Variants in CPAMD8 observed in about 807,000 individuals in gnomAD.
CPAMD8 encodes C3 and PZP-like alpha-2-macroglobulin domain-containing protein 8.
A neutral mutation model predicts 224.7 loss-of-function variants in CPAMD8; 146 were observed. The observed-to-expected ratio is 0.65, with a 90% CI of 0.57 to 0.75. The LOEUF (loss-of-function observed/expected upper bound fraction) is 0.75, where lower values mean the gene tolerates loss of function less well. Among genes scored for constraint, CPAMD8 ranks in the 30% least tolerant of loss-of-function variants. CPAMD8 has a pLI of 0.00. For missense variants in CPAMD8, 2,301 were observed against 2,537.5 expected (o/e 0.91, Z 2.00); for synonymous variants, 966 against 1,044.6 (o/e 0.92, Z 1.45).
chr19:16,911,126 G>C (rs1718784384), intron 29 of CPAMD8, among the ~76,000 whole-genome samples: 1 of 152,172 alleles, frequency 6.6e-6, no homozygotes, highest in African/African-American at 2.4e-5. Context: ...CCAACCTCCG[G>C]GTCACAGACT....
intron 19 of CPAMD8, 59 bp from the exon 20 acceptor site, chr19:16,952,259 G>C: frequency 1.0e-6 from 1 of 981,212 alleles, no homozygotes; most frequent in East Asian, 2.6e-5. Flanking sequence ...GCCTCAGGGG[G>C]GCCAGTGGGC....
At position 16,945,678 on chromosome 19, in the gene CPAMD8, G is replaced by A; in HGVS notation, c.2664C>T (p.Ala888=). The A allele has an allele frequency of 6.2e-7, 1 of 1,614,072 alleles. No individual in the cohort carries two copies. Among genetic ancestry groups the A allele is most frequent in the Non-Finnish European group, 8.5e-7 (1 of 1,179,930 alleles). The change falls in exon 22 of 42, where the codon GCC becomes GCT. Residue 888 remains alanine (A), a splice_region_variant and synonymous_variant. Transcript: ENST00000443236. ...TTGTGTCTCCGTAAGCAAGGGCTTT[G>A]GCTGCAGAAATTTGATGTCTTGGTC... The part of the protein sequence containing the change: ...FSDLGLNNIT[A]KALAYGDTNC...
chr19:16,948,872 G>A (rs2054198897), intron 20 of CPAMD8, among the ~76,000 whole-genome samples: 8 of 10,464 alleles, frequency 7.6e-4, no homozygotes, highest in African/African-American at 3.3e-3. Flanking sequence ...GAAAGGAAAG[G>A]GAAGGGAAGG....
At position 16,947,244 on chromosome 19, in the gene CPAMD8, T is replaced by C; in HGVS notation, c.2509-17A>G. 6.3e-7 allele frequency: 1 copy of C among 1,599,874 alleles called. No individual in the cohort carries two copies. The highest frequency in any genetic ancestry group is 8.5e-7 in the Non-Finnish European group (1 of 1,172,116). ...CATGTACACCTGCAGAGGGTGGCAT[T>C]GGCTCATGGCGCCTGGAATCCAGAC... On this transcript the variant is annotated splice_polypyrimidine_tract_variant and intron_variant, in intron 20 of 41. Transcript: ENST00000443236.
intron 23 of CPAMD8, among the ~76,000 whole-genome samples, chr19:16,937,478 T>C (rs2053733490): frequency 1.3e-5 from 2 of 151,578 alleles, no homozygotes. Context: ...GCCTCATGTG[T>C]TGTTGTTGTT....
Position 16,907,148 on chromosome 19 carries a change from G to A in CPAMD8, c.3862-31C>T, listed in dbSNP as rs2052551058. The A allele has an allele frequency of 4.0e-6, 6 of 1,511,592 alleles. No homozygotes were observed. The South Asian group carries it at 6.8e-5, about 17-fold the overall frequency. The allele number at this position is 1,511,592 out of a possible 1,614,324, so 93.6% of individuals were successfully genotyped here. ...GGGTGGGGTGGGAAGGTGAAACCTG[G>A]GAGGCTGCTCTGCCCCCATCCCACC... On this transcript the variant is annotated intron_variant, in intron 29 of 41. Coordinates refer to ENST00000443236, the MANE Select transcript of CPAMD8 (RefSeq NM_015692.5).
intron 22 of CPAMD8, among the ~76,000 whole-genome samples, chr19:16,941,696 T>C (rs1018716877): frequency 3.9e-5 from 6 of 151,974 alleles, no homozygotes; most frequent in Non-Finnish European, 7.4e-5. Flanking sequence ...GTGAAGCGGC[T>C]GGGCACGGTG....
chr19:17,010,349 C>A (rs2056612086), intron 5 of CPAMD8, among the ~76,000 whole-genome samples: 1 of 152,128 alleles, frequency 6.6e-6, no homozygotes. Flanking sequence ...ATCCTCCTGA[C>A]TCAGCTTCCC....
intron 1 of CPAMD8, among the ~76,000 whole-genome samples, chr19:17,024,409 C>A (rs769049668): frequency 1.3e-5 from 2 of 152,198 alleles, no homozygotes; most frequent in Non-Finnish European, 2.9e-5. Context: ...ATGCAATTAC[C>A]CTGTCCAGGT....
chr19:16,984,418 A>G (rs1192598363), intron 13 of CPAMD8, among the ~76,000 whole-genome samples: 1 of 152,070 alleles, frequency 6.6e-6, no homozygotes, highest in Non-Finnish European at 1.5e-5. Context: ...AAAGACCTAA[A>G]TGTAAGAGCT....
At chr19:17,001,462 GTC>G (rs1384311020) in intron 9 of CPAMD8, among the ~76,000 whole-genome samples, 2 of 145,682 alleles carry the variant, frequency 1.4e-5, no homozygotes, top group African/African-American at 2.5e-5. Flanking sequence ...GGTTGGGAGG[GTC>G]ACACCCTGGG....
At chr19:16,970,061 C>T (rs1393765904) in intron 18 of CPAMD8, among the ~76,000 whole-genome samples, 5 of 148,392 alleles carry the variant, frequency 3.4e-5, no homozygotes, top group South Asian at 2.1e-4. Context: ...AGTGAAACCC[C>T]GTCTCTACTA....
chr19:17,015,063 G>A (rs1005355041), intron 3 of CPAMD8, among the ~76,000 whole-genome samples: 8 of 152,126 alleles, frequency 5.3e-5, no homozygotes, highest in South Asian at 4.1e-4. Context: ...CCAACATGGC[G>A]AAGCCCCGTC....
intron 12 of CPAMD8, 84 bp downstream of exon 12, chr19:16,993,332 G>T: frequency 8.6e-7 from 1 of 1,165,884 alleles, no homozygotes; most frequent in Non-Finnish European, 1.2e-6. Flanking sequence ...CAGGCCCACT[G>T]ATCAGGTGCC....
At chr19:16,908,261 A>C (rs938144291) in intron 29 of CPAMD8, among the ~76,000 whole-genome samples, 1 of 152,092 alleles carries the variant, frequency 6.6e-6, no homozygotes, top group Admixed American at 6.6e-5. Context: ...CAGAAGGCTG[A>C]GGCAGGCACA....
At chr19:17,000,640 C>T in intron 9 of CPAMD8, 118 bp from the exon 10 acceptor site, 1 of 598,954 alleles carries the variant, frequency 1.7e-6, no homozygotes, top group South Asian at 2.0e-5. Context: ...ATGCAGCTCC[C>T]TCCACACCCT....
At chr19:16,943,298 G>A (rs2053966356) in intron 22 of CPAMD8, among the ~76,000 whole-genome samples, 1 of 152,180 alleles carries the variant, frequency 6.6e-6, no homozygotes, top group Non-Finnish European at 1.5e-5. Flanking sequence ...CTATAGGCGT[G>A]AGCCACCGTG....
intron 13 of CPAMD8, among the ~76,000 whole-genome samples, 174 bp downstream of exon 13, chr19:16,989,469 T>G (rs928564895): frequency 6.6e-6 from 1 of 152,122 alleles, no homozygotes; most frequent in African/African-American, 2.4e-5. Context: ...GTATTTTTAG[T>G]AGAGATGGGG....
In CPAMD8 at chr19:16,997,285, G is replaced by A. The variant is rs202173805; in HGVS notation, c.921C>T (p.Asp307=). 111 of 1,583,430 alleles carry A rather than the reference G, an allele frequency of 7.0e-5. No homozygotes were observed. The African/African-American group carries it at 1.2e-3, about 17-fold the overall frequency. The part of the protein sequence containing the change: ...DICVRDMIPA[D]VPEHFRGRVS... The stretch of plus-strand genomic sequence containing the variant: ...CCCTGCCCCGGAAGTGCTCAGGGAC[G>A]TCCGCTGGGATCATGTCCCTCACGC... Residue 307 remains aspartate (D), a synonymous_variant, in exon 11 of 42, where the codon GAC becomes GAT. Transcript: ENST00000443236.
Sources: allele counts gnomAD v4.1 joint callset (sites outside exome capture counted in the v4.1 genomes callset), GRCh38; gene constraint gnomAD v4.1.1; transcripts MANE v1.5; gene names NCBI Gene and HGNC (gene_info 2026-07-23, HGNC 2026-07-21).